The following TULP4 variants were observed in gnomAD, a reference collection of about 807,000 sequenced individuals.
TULP4 encodes the protein TUB like protein 4.
In TULP4, 16 loss-of-function variants were observed where a neutral mutation model predicts 129.0. That is an observed-to-expected ratio of 0.12 (90% CI 0.08 to 0.19). The LOEUF is 0.19. TULP4 is among the 10% of genes least tolerant of loss of function. The probability of loss-of-function intolerance (pLI) is 1.00; values close to 1 mark genes in which losing one functional copy is unlikely to be tolerated. For missense variants in TULP4, 1,842 were observed against 2,059.1 expected, an observed-to-expected ratio of 0.89 and a Z score of 2.04; for synonymous variants, 998 against 854.0, an observed-to-expected ratio of 1.17 and a Z score of -2.94.
In TULP4 at chr6:158,250,162, T is replaced by C. The variant is rs1000604921; in HGVS notation, n.68+17859T>C. Among the ~76,000 whole-genome samples, 13 of 151,762 alleles carry C rather than the reference T, an allele frequency of 8.6e-5. No individual in the cohort carries two copies. In the East Asian group the frequency reaches 1.4e-3, roughly 16 times the overall value. ...AAATGCATTTCTTTTCTTTTCTTTT[T>C]TTTTTTTTTGTTTTGAGACGGAGTG... On this transcript the variant is annotated intron_variant and non_coding_transcript_variant, in intron 1 of 1. Coordinates refer to the TULP4 transcript ENST00000620026.
intron 1 of TULP4, among the ~76,000 whole-genome samples, chr6:158,294,553 C>T (rs376139962): frequency 6.6e-6 from 1 of 152,032 alleles, no homozygotes; most frequent in South Asian, 2.1e-4. Flanking sequence ...GCTGTGAGGA[C>T]GTCCTGTGTC....
intron 8 of TULP4, among the ~76,000 whole-genome samples, 200 bp from the exon 9 acceptor site, chr6:158,489,388 A>G (rs1780144430): frequency 1.3e-5 from 2 of 152,236 alleles, no homozygotes; most frequent in Admixed American, 6.5e-5. Context: ...GCCCATTTTG[A>G]CAACAGTAGA....
intron 1 of TULP4, among the ~76,000 whole-genome samples, chr6:158,378,792 C>A (rs1440235358): frequency 6.6e-6 from 1 of 151,950 alleles, no homozygotes; most frequent in Non-Finnish European, 1.5e-5. Context: ...GCCAGGGGAG[C>A]CAGTTTTGAG....
intron 1 of TULP4, among the ~76,000 whole-genome samples, chr6:158,248,430 C>T (rs570048557): frequency 2.2e-5 from 3 of 138,616 alleles, no homozygotes; most frequent in South Asian, 2.3e-4. Context: ...CCACCACGCC[C>T]GGCTAATTTT....
intron 1 of TULP4, among the ~76,000 whole-genome samples, chr6:158,353,477 G>A (rs1222833910): frequency 6.6e-6 from 1 of 152,086 alleles, no homozygotes; most frequent in African/African-American, 2.4e-5. Flanking sequence ...TGAAACCAAG[G>A]ACAATACACA....
chr6:158,386,149 C>G (rs1243977960), intron 1 of TULP4, among the ~76,000 whole-genome samples: 2 of 151,988 alleles, frequency 1.3e-5, no homozygotes, highest in Non-Finnish European at 2.9e-5. Context: ...CTTGCCACAT[C>G]ATATAATATC....
At chr6:158,380,223 C>G (rs827982) in intron 1 of TULP4, among the ~76,000 whole-genome samples, 102,469 of 152,096 alleles carry the variant, frequency 0.67, 35,046 homozygotes, top group Middle Eastern at 0.74. Context: ...GTTGAGATTT[C>G]AGTATACTTT....
chr6:158,461,091 G>T (rs1456501426), intron 5 of TULP4, among the ~76,000 whole-genome samples: 1 of 152,212 alleles, frequency 6.6e-6, no homozygotes, highest in East Asian at 1.9e-4. Flanking sequence ...CATCTTCAGA[G>T]AAATTGGTTG....
At chr6:158,353,303 C>T (rs1780570860) in intron 1 of TULP4, among the ~76,000 whole-genome samples, 1 of 152,008 alleles carries the variant, frequency 6.6e-6, no homozygotes, top group Admixed American at 6.6e-5. Context: ...TCATATATCT[C>T]TCCACTTGTC....
intron 1 of TULP4, among the ~76,000 whole-genome samples, chr6:158,344,082 T>C (rs1003756660): frequency 1.3e-5 from 2 of 152,202 alleles, no homozygotes; most frequent in Non-Finnish European, 2.9e-5. Context: ...CTTAAGAAGT[T>C]TCTTTGTAAT....
chr6:158,331,766 TAC>T lies in TULP4; in HGVS notation c.252+17501_252+17502del, dbSNP rs1562523325. ...ATACGTGTATATACACGTGTATATA[TAC>T]ACGTATATATACACACACACATACC... On this transcript the variant is annotated intron_variant, in intron 1 of 13. Coordinates refer to ENST00000367097, the MANE Select transcript of TULP4 (RefSeq NM_020245.5). Among the ~76,000 whole-genome samples the T allele has an allele frequency of 1.0e-3, 35 of 35,124 alleles. 10 individuals are homozygous for T. Among genetic ancestry groups the T allele is most frequent in the East Asian group, 1.3e-3 (1 of 778 alleles). 23.0% of individuals were successfully genotyped at this position (35,124 alleles called of 152,430 possible). A position where few individuals can be genotyped will look rare whatever the true frequency, so the allele number is the denominator to read the frequency against.
At chr6:158,466,828 G>C (rs1779562860) in intron 6 of TULP4, among the ~76,000 whole-genome samples, 1 of 151,264 alleles carries the variant, frequency 6.6e-6, no homozygotes, top group African/African-American at 2.5e-5. Flanking sequence ...CTGGTGCTTT[G>C]ATAACCTGGA....
At chr6:158,277,113 G>A (rs941253219) in intron 1 of TULP4, among the ~76,000 whole-genome samples, 1 of 152,000 alleles carries the variant, frequency 6.6e-6, no homozygotes, top group Non-Finnish European at 1.5e-5. Flanking sequence ...CTAATTTTTT[G>A]TATTTTTATT....
rs182985486 is a variant in TULP4 at position 158,325,604 on chromosome 6, G to A, written c.252+11336G>A. Among the ~76,000 whole-genome samples, 315 of 152,130 alleles carry A rather than the reference G, an allele frequency of 2.1e-3. 2 individuals carry two copies. Among genetic ancestry groups the A allele is most frequent in the African/African-American group, 6.6e-3 (273 of 41,516 alleles). On this transcript the variant is annotated intron_variant, in intron 1 of 13. Transcript: ENST00000367097. ...CCTGACCTCGTGATCCGCCCGCCTCGGCCTCCCAAAGTACTGGGGTTCAGG... is the reference window on the plus strand; with the variant it reads ...CCTGACCTCGTGATCCGCCCGCCTCAGCCTCCCAAAGTACTGGGGTTCAGG...
intron 1 of TULP4, among the ~76,000 whole-genome samples, chr6:158,239,078 C>T (rs111389207): frequency 9.5e-6 from 1 of 105,624 alleles, no homozygotes; most frequent in African/African-American, 3.4e-5. Flanking sequence ...ACCTCCCTCC[C>T]GGACGGGGCG....
At chr6:158,334,613 G>C (rs938151184) in intron 1 of TULP4, among the ~76,000 whole-genome samples, 1 of 148,452 alleles carries the variant, frequency 6.7e-6, no homozygotes, top group Non-Finnish European at 1.5e-5. Flanking sequence ...GCATTGTTCA[G>C]GGGTTAGCTG....
chr6:158,429,795 G>A lies in TULP4; in HGVS notation c.441G>A (p.Gly147=). ...GTQALISYRD[G]FVLVGSVSGQ... ...AAGCACTTATTTCCTATCGAGATGGGTTTGTCCTGGTTGGGTCTGTCAGTG... is the reference window on the plus strand; with the variant it reads ...AAGCACTTATTTCCTATCGAGATGGATTTGTCCTGGTTGGGTCTGTCAGTG... The change falls in exon 3 of 14, where the codon GGG becomes GGA. Residue 147 remains glycine (G), a synonymous_variant. Transcript: ENST00000367097. The A allele has an allele frequency of 3.1e-6, 5 of 1,614,118 alleles. No homozygotes were observed. The highest frequency in any genetic ancestry group is 2.2e-5 in the South Asian group (2 of 91,064).
chr6:158,463,474 C>T (rs1309023351), intron 6 of TULP4, among the ~76,000 whole-genome samples: 1 of 151,502 alleles, frequency 6.6e-6, no homozygotes, highest in Non-Finnish European at 1.5e-5. Context: ...GGAAGGGGAA[C>T]ATCACACACC....
intron 1 of TULP4, among the ~76,000 whole-genome samples, chr6:158,324,420 A>G (rs954453092): frequency 3.9e-5 from 6 of 152,194 alleles, no homozygotes; most frequent in African/African-American, 1.4e-4. Flanking sequence ...ACTGTGGACC[A>G]GTGTGGTCAG....
Sources: gnomAD v4.1 joint callset for allele counts (sites outside exome capture counted in the v4.1 genomes callset) on GRCh38, gnomAD v4.1.1 for gene constraint, MANE v1.5 for transcripts, NCBI Gene and HGNC (gene_info 2026-07-23, HGNC 2026-07-21) for gene names.